Variants in GSDMC observed in about 807,000 individuals in gnomAD.
The protein encoded by GSDMC is gasdermin C.
In GSDMC, 59 loss-of-function variants were observed where a neutral mutation model predicts 58.0. The observed-to-expected ratio is 1.02, with a 90% CI of 0.82 to 1.26. The LOEUF is 1.26. Ranked by LOEUF, GSDMC falls within the 50% of genes most tolerant of loss-of-function variation. The probability of loss-of-function intolerance (pLI) is 0.00; values close to 1 mark genes in which losing one functional copy is unlikely to be tolerated. For synonymous variants in GSDMC, 241 were observed against 220.2 expected, an observed-to-expected ratio of 1.09 and a Z score of -0.83; for missense variants, 659 against 598.5, an observed-to-expected ratio of 1.10 and a Z score of -1.06.
the GSDMC span, among the ~76,000 whole-genome samples, chr8:129,716,938 GA>G: frequency 2.6e-5 from 4 of 152,198 alleles, no homozygotes; most frequent in African/African-American, 9.7e-5. Flanking sequence ...TGCATATGTT[GA>G]AGCAGGCTTG....
At chr8:129,713,348 G>T in the GSDMC span, among the ~76,000 whole-genome samples, 2 of 152,180 alleles carry the variant, frequency 1.3e-5, no homozygotes, top group African/African-American at 4.8e-5. Flanking sequence ...TGGTGCTGAG[G>T]CTCTCAAGGA....
At chr8:129,741,775 C>T in the GSDMC span, among the ~76,000 whole-genome samples, 1 of 151,632 alleles carries the variant, frequency 6.6e-6, no homozygotes, top group South Asian at 2.1e-4. Context: ...TCAACAATCC[C>T]ACTTCTAGTT....
chr8:129,757,819 T>C (rs1320210299), intron 6 of GSDMC, among the ~76,000 whole-genome samples: 2 of 152,016 alleles, frequency 1.3e-5, no homozygotes. Context: ...GGTGAGACCA[T>C]GTCTCTACAA....
At chr8:129,752,662 A>T (rs1563789625) in intron 7 of GSDMC, 36 bp downstream of exon 7, 1 of 1,611,452 alleles carries the variant, frequency 6.2e-7, no homozygotes, top group Non-Finnish European at 8.5e-7. Flanking sequence ...AAAAGCATCA[A>T]CATAGAAGTA....
In GSDMC at chr8:129,765,780, G is replaced by T. The variant is rs1223314292; in HGVS notation, c.418C>A (p.Pro140Thr). 1 of 1,613,490 alleles carries T rather than the reference G, an allele frequency of 6.2e-7. No homozygotes were observed. Among genetic ancestry groups the T allele is most frequent in the East Asian group, 2.2e-5 (1 of 44,896 alleles). ...EDFQKRKLLDPEPSFLKECRR... is the reference protein window; with the variant it reads ...EDFQKRKLLDTEPSFLKECRR... The stretch of plus-strand genomic sequence containing the variant: ...CACTCCTTCAGAAATGATGGCTCTG[G>T]ATCCAACAGTTTCCTGGGGATTTAA... Residue 140 changes from proline to threonine, a missense_variant, in exon 4 of 14, where the codon CCA (proline) becomes ACA (threonine). By Grantham distance (38) the Pro-to-Thr change is conservative (BLOSUM62 -1). Coordinates refer to ENST00000276708, the MANE Select transcript of GSDMC (RefSeq NM_031415.3).
intron 4 of GSDMC, among the ~76,000 whole-genome samples, chr8:129,764,339 T>C (rs2130459995): frequency 6.6e-6 from 1 of 152,282 alleles, no homozygotes; most frequent in East Asian, 1.9e-4. Context: ...TAGTTATTTC[T>C]TTTGTACTGG....
chr8:129,752,265 A>C (rs367589545), intron 7 of GSDMC, 118 bp from the exon 8 acceptor site: 45 of 802,038 alleles, frequency 5.6e-5, no homozygotes, highest in Middle Eastern at 2.3e-4. Context: ...CTTATTTCTC[A>C]CATGTTCCAT....
intron 3 of GSDMC, among the ~76,000 whole-genome samples, chr8:129,773,613 C>T (rs1276412175): frequency 1.3e-5 from 2 of 151,862 alleles, no homozygotes; most frequent in Admixed American, 6.6e-5. Context: ...GGCAAAACCC[C>T]ATCTCTACTA....
chr8:129,728,131 G>A, the GSDMC span, among the ~76,000 whole-genome samples: 1 of 152,150 alleles, frequency 6.6e-6, no homozygotes. Flanking sequence ...CACCCAGGCA[G>A]ATCTCCAGGC....
the GSDMC span, among the ~76,000 whole-genome samples, chr8:129,717,488 G>A: frequency 6.6e-6 from 1 of 151,876 alleles, no homozygotes; most frequent in Admixed American, 6.6e-5. Context: ...TCTTCAAGGA[G>A]AACTACGAAC....
chr8:129,771,149 C>T (rs1423522483), intron 3 of GSDMC, among the ~76,000 whole-genome samples: 1 of 151,282 alleles, frequency 6.6e-6, no homozygotes, highest in Non-Finnish European at 1.5e-5. Context: ...CACCAAACAT[C>T]AGAGCACATA....
chr8:129,773,785 CA>C (rs3078753), intron 3 of GSDMC, among the ~76,000 whole-genome samples: 1,263 of 77,764 alleles, frequency 0.016, 9 homozygotes, highest in African/African-American at 0.056. Context: ...GACTCTGTCT[CA>C]AAAAAAAAAA....
chr8:129,769,360 G>A (rs1403952759), intron 3 of GSDMC, among the ~76,000 whole-genome samples: 1 of 152,106 alleles, frequency 6.6e-6, no homozygotes, highest in Admixed American at 6.5e-5. Flanking sequence ...AAGAAAGGAT[G>A]ATATATTCAA....
intron 4 of GSDMC, among the ~76,000 whole-genome samples, chr8:129,764,696 C>T (rs1454199360): frequency 6.6e-6 from 1 of 152,156 alleles, no homozygotes; most frequent in Admixed American, 6.5e-5. Flanking sequence ...CATCGTATGG[C>T]TGTATCAAAA....
At chr8:129,712,708 G>A in the GSDMC span, among the ~76,000 whole-genome samples, 6 of 152,218 alleles carry the variant, frequency 3.9e-5, no homozygotes, top group Non-Finnish European at 7.3e-5. Context: ...CTGGGATCAA[G>A]ATAAAGTTTA....
intron 6 of GSDMC, among the ~76,000 whole-genome samples, chr8:129,759,938 G>GT (rs2033592575): frequency 6.6e-6 from 1 of 152,134 alleles, no homozygotes; most frequent in South Asian, 2.1e-4. Context: ...GTTCACAATA[G>GT]TCAAGATTTG....
intron 3 of GSDMC, among the ~76,000 whole-genome samples, chr8:129,768,171 G>A (rs2033931503): frequency 6.6e-6 from 1 of 152,172 alleles, no homozygotes; most frequent in Non-Finnish European, 1.5e-5. Flanking sequence ...TGAGCAGCAA[G>A]CCACACTTAT....
At chr8:129,756,666 G>T (rs1047408563) in intron 6 of GSDMC, among the ~76,000 whole-genome samples, 3 of 152,036 alleles carry the variant, frequency 2.0e-5, no homozygotes, top group African/African-American at 7.2e-5. Context: ...TATAAAACAA[G>T]CATTAAAACA....
chr8:129,774,897 G>A (rs2034174551), intron 3 of GSDMC, among the ~76,000 whole-genome samples: 1 of 152,104 alleles, frequency 6.6e-6, no homozygotes, highest in Admixed American at 6.6e-5. Context: ...CATCTGTTTG[G>A]ATGGCTTTTA....
Sources: allele counts gnomAD v4.1 joint callset (sites outside exome capture counted in the v4.1 genomes callset), GRCh38; gene constraint gnomAD v4.1.1; transcripts MANE v1.5; gene names NCBI Gene and HGNC (gene_info 2026-07-23, HGNC 2026-07-21).